ATF6: variants seen among roughly 807,000 people sequenced by gnomAD.
The protein encoded by ATF6 is activating transcription factor 6, also known as cyclic AMP-dependent transcription factor ATF-6 alpha.
Under a neutral mutation model 83.6 loss-of-function variants are expected in ATF6, and 53 were observed. The ratio of observed to expected loss-of-function variants is 0.63; its 90% CI spans 0.51 to 0.80. ATF6 has a LOEUF of 0.80. ATF6 is among the 30% of genes least tolerant of loss of function. The pLI is 0.00. For synonymous variants in ATF6, 288 were observed against 285.8 expected (o/e 1.01, Z -0.08); for missense variants, 744 against 797.9 (o/e 0.93, Z 0.81).
intron 15 of ATF6, among the ~76,000 whole-genome samples, chr1:161,937,422 A>G (rs1688558210): frequency 6.6e-6 from 1 of 152,058 alleles, no homozygotes; most frequent in Non-Finnish European, 1.5e-5. Flanking sequence ...ATTACCATAA[A>G]TAATTCATCT....
chr1:161,939,932 G>A (rs1376359195), intron 15 of ATF6, among the ~76,000 whole-genome samples: 1 of 152,180 alleles, frequency 6.6e-6, no homozygotes, highest in Non-Finnish European at 1.5e-5. Context: ...TGGAGGACAG[G>A]GAGCAGTTTC....
intron 14 of ATF6, among the ~76,000 whole-genome samples, chr1:161,863,772 C>G (rs1232984988): frequency 6.6e-6 from 1 of 152,160 alleles, no homozygotes; most frequent in Non-Finnish European, 1.5e-5. Flanking sequence ...CTAAGAATCT[C>G]TATTCCTCTT....
chr1:161,858,824 G>A (rs972603727), intron 12 of ATF6, among the ~76,000 whole-genome samples: 2 of 152,100 alleles, frequency 1.3e-5, no homozygotes, highest in Non-Finnish European at 2.9e-5. Context: ...ATAGGTAAAC[G>A]GAATATCTGT....
At chr1:161,858,911 GTC>G (rs563841329) in intron 12 of ATF6, among the ~76,000 whole-genome samples, 1 of 152,182 alleles carries the variant, frequency 6.6e-6, no homozygotes, top group South Asian at 2.1e-4. Context: ...AGGGAAATAA[GTC>G]TGGCTTCTTT....
Position 161,766,499 on chromosome 1 carries a change from TCCTC to T in ATF6, c.82+61_82+64del, listed in dbSNP as rs1233183638. On this transcript the variant is annotated intron_variant, in intron 1 of 15. Coordinates refer to ENST00000367942, the MANE Select transcript of ATF6 (RefSeq NM_007348.4). ...CTCGGGTTCGCGTCTAAAGGTTTCTTCCTCCCTACTTCCGCCCACTCGTGGTGAC... is the reference window on the plus strand; with the variant it reads ...CTCGGGTTCGCGTCTAAAGGTTTCTTCCTACTTCCGCCCACTCGTGGTGAC... 21 of 1,547,390 alleles carry T rather than the reference TCCTC, an allele frequency of 1.4e-5. No homozygotes were observed. In the Admixed American group the frequency reaches 3.3e-4, roughly 24 times the overall value.
chr1:161,896,005 C>A (rs1687668746), intron 14 of ATF6, among the ~76,000 whole-genome samples: 1 of 152,214 alleles, frequency 6.6e-6, no homozygotes, highest in Non-Finnish European at 1.5e-5. Flanking sequence ...GCTGGACCAT[C>A]CCTGTTCTCT....
At chr1:161,811,715 ACTAT>A (rs1404857818) in intron 7 of ATF6, among the ~76,000 whole-genome samples, 2 of 150,644 alleles carry the variant, frequency 1.3e-5, no homozygotes, top group Non-Finnish European at 3.0e-5. Flanking sequence ...CCATCCATCC[ACTAT>A]CCATCCATCC....
At chr1:161,844,674 T>A (rs1448616947) in intron 9 of ATF6, among the ~76,000 whole-genome samples, 1 of 152,158 alleles carries the variant, frequency 6.6e-6, no homozygotes, top group Non-Finnish European at 1.5e-5. Context: ...TAGCTTACTT[T>A]CATAATTAGA....
At position 161,791,086 on chromosome 1, in the gene ATF6, CTG is replaced by C. The variant is rs758372809; in HGVS notation, c.355-306_355-305del. On this transcript the variant is annotated intron_variant, in intron 4 of 15. Transcript: ENST00000367942. ...TATGTGTGTGTGTGTGTGTGTGTCT[CTG>C]TGTGTGTGTGTGTGTCTCTGTGTGT... Among the ~76,000 whole-genome samples the C allele has an allele frequency of 5.1e-3, 443 of 86,210 alleles. 2 individuals carry two copies. The highest frequency in any genetic ancestry group is 0.018 in the South Asian group (54 of 2,960). The allele number at this position is 86,210 out of a possible 152,430, so 56.6% of individuals were successfully genotyped here.
chr1:161,812,846 T>G (rs1685509549), intron 7 of ATF6, among the ~76,000 whole-genome samples: 1 of 152,042 alleles, frequency 6.6e-6, no homozygotes, highest in South Asian at 2.1e-4. Flanking sequence ...GCCATATTTG[T>G]ATGGTACATT....
At chr1:161,925,092 A>G (rs1156758414) in intron 15 of ATF6, among the ~76,000 whole-genome samples, 2 of 152,212 alleles carry the variant, frequency 1.3e-5, no homozygotes, top group Non-Finnish European at 2.9e-5. Flanking sequence ...AGCTGTGTGT[A>G]TACTATATAC....
intron 14 of ATF6, among the ~76,000 whole-genome samples, chr1:161,872,911 T>C (rs1283873252): frequency 2.6e-5 from 4 of 151,456 alleles, no homozygotes; most frequent in East Asian, 1.9e-4. Flanking sequence ...AGGAGAGATA[T>C]AGGGATAGGG....
chr1:161,770,057 T>TAG (rs1218915329), intron 1 of ATF6, among the ~76,000 whole-genome samples: 27 of 152,332 alleles, frequency 1.8e-4, no homozygotes, highest in African/African-American at 6.3e-4. Flanking sequence ...AAAAGCCCTA[T>TAG]GCTCTACCTA....
At chr1:161,774,169 G>C (rs1684462021) in intron 1 of ATF6, among the ~76,000 whole-genome samples, 1 of 152,080 alleles carries the variant, frequency 6.6e-6, no homozygotes, top group South Asian at 2.1e-4. Flanking sequence ...TAACATCACA[G>C]GGTTCTTTTT....
intron 1 of ATF6, among the ~76,000 whole-genome samples, chr1:161,768,397 G>A (rs1684315824): frequency 6.6e-6 from 1 of 152,142 alleles, no homozygotes; most frequent in South Asian, 2.1e-4. Flanking sequence ...ACTGTTAACA[G>A]TCTTCTCTTC....
chr1:161,780,902 A>G (rs1684622066), intron 2 of ATF6, among the ~76,000 whole-genome samples: 1 of 151,818 alleles, frequency 6.6e-6, no homozygotes, highest in Non-Finnish European at 1.5e-5. Flanking sequence ...TCTTAGGTAG[A>G]GATGGGTTTT....
intron 2 of ATF6, among the ~76,000 whole-genome samples, chr1:161,779,288 A>G (rs1246471756): frequency 2.0e-5 from 3 of 152,220 alleles, no homozygotes; most frequent in Non-Finnish European, 4.4e-5. Flanking sequence ...CTTTTAAACT[A>G]TGTCAAGAAA....
chr1:161,957,580 T>G (rs1469643741), intron 15 of ATF6, among the ~76,000 whole-genome samples: 1 of 152,198 alleles, frequency 6.6e-6, no homozygotes, highest in Non-Finnish European at 1.5e-5. Context: ...AAAGAGCTTT[T>G]ATCCTCTTAA....
chr1:161,803,955 T>C (rs981437407), intron 7 of ATF6, among the ~76,000 whole-genome samples: 1 of 151,454 alleles, frequency 6.6e-6, no homozygotes, highest in Non-Finnish European at 1.5e-5. Flanking sequence ...ACTCGTCATC[T>C]AGCATTAGGT....
Sources: gnomAD v4.1 joint callset for allele counts (sites outside exome capture counted in the v4.1 genomes callset) on GRCh38, gnomAD v4.1.1 for gene constraint, MANE v1.5 for transcripts, NCBI Gene and HGNC (gene_info 2026-07-23, HGNC 2026-07-21) for gene names.